Variants in TSPEAR observed in about 807,000 individuals in gnomAD.
TSPEAR encodes the protein thrombospondin type laminin G domain and EAR repeats.
Under a neutral mutation model 71.6 loss-of-function variants are expected in TSPEAR, and 69 were observed. That is an observed-to-expected ratio of 0.96 (90% CI 0.79 to 1.18). The LOEUF (loss-of-function observed/expected upper bound fraction) is 1.18, where lower values mean the gene tolerates loss of function less well. Among genes scored for constraint, TSPEAR ranks in the 50% most tolerant of loss-of-function variants. The probability of loss-of-function intolerance (pLI) is 0.00; values close to 1 mark genes in which losing one functional copy is unlikely to be tolerated. For missense variants in TSPEAR, 971 were observed against 894.9 expected (o/e 1.09, Z -1.09); for synonymous variants, 402 against 387.2 (o/e 1.04, Z -0.45).
Position 44,667,092 on chromosome 21 carries a change from A to T in TSPEAR, c.82+44341T>A, listed in dbSNP as rs1184003355. On this transcript the variant is annotated intron_variant, in intron 1 of 11. Transcript: ENST00000323084. ...GTTTTGTTTGGCCCTTAGCTTCATG[A>T]CTAATTGCACCTTCTTCGAACTCTT... Among the ~76,000 whole-genome samples, 3 of 152,144 alleles carry T rather than the reference A, an allele frequency of 2.0e-5. No homozygotes were observed. The East Asian group carries it at 5.8e-4, about 29-fold the overall frequency.
chr21:44,525,611 T>G (rs1275056591), intron 8 of TSPEAR, 42 bp downstream of exon 8: 6 of 1,601,272 alleles, frequency 3.7e-6, no homozygotes, highest in Non-Finnish European at 5.1e-6. Flanking sequence ...GCTCTGCCCC[T>G]GGAATGGTTG....
In TSPEAR at chr21:44,640,887, T is replaced by TGGTTGCA. The variant is rs145087618; in HGVS notation, c.82+70545_82+70546insTGCAACC. Among the ~76,000 whole-genome samples, 549 of 152,290 alleles carry TGGTTGCA rather than the reference T, an allele frequency of 3.6e-3. 3 individuals carry two copies. Among genetic ancestry groups the TGGTTGCA allele is most frequent in the African/African-American group, 0.013 (531 of 41,558 alleles). On this transcript the variant is annotated intron_variant, in intron 1 of 11. Transcript: ENST00000323084. ...TGGGTCGAGTTCTGAAGAAGAGCCATTCCATGCCTGCAACCAGCGGGAGAA... is the reference window on the plus strand; with the variant it reads ...TGGGTCGAGTTCTGAAGAAGAGCCATGGTTGCATCCATGCCTGCAACCAGCGGGAGAA...
At chr21:44,556,370 C>A (rs1391447100) in intron 2 of TSPEAR, among the ~76,000 whole-genome samples, 1 of 150,460 alleles carries the variant, frequency 6.6e-6, no homozygotes, top group African/African-American at 2.5e-5. Context: ...GTGATACCCG[C>A]TCTCAAAAAA....
intron 9 of TSPEAR, chr21:44,518,233 CT>C: frequency 4.6e-6 from 2 of 439,372 alleles, no homozygotes; most frequent in Admixed American, 3.1e-5. Flanking sequence ...TTCTTTCAGC[CT>C]TTTTCTTTAG....
At chr21:44,679,569 A>G (rs1275033553) in intron 1 of TSPEAR, among the ~76,000 whole-genome samples, 1 of 152,226 alleles carries the variant, frequency 6.6e-6, no homozygotes, top group Non-Finnish European at 1.5e-5. Context: ...TATGGAACCA[A>G]AAAGGACCCT....
At chr21:44,545,767 G>A (rs1555917692) in intron 2 of TSPEAR, among the ~76,000 whole-genome samples, 1 of 152,108 alleles carries the variant, frequency 6.6e-6, no homozygotes, top group African/African-American at 2.4e-5. Context: ...GCAGTATGTA[G>A]AGGGAAATTG....
At chr21:44,504,506 C>T (rs2052148186) in intron 11 of TSPEAR, among the ~76,000 whole-genome samples, 1 of 145,120 alleles carries the variant, frequency 6.9e-6, no homozygotes, top group Non-Finnish European at 1.5e-5. Context: ...AGTGGGGAAG[C>T]AAGGCTCTGG....
Position 44,711,252 on chromosome 21 carries a change from TTCCCCACCTGTGCTCC to T in TSPEAR, c.82+165_82+180del, listed in dbSNP as rs1345887326. ...CAACTGCCTGCCCTGCGCTTTCATC[TTCCCCACCTGTGCTCC>T]TCCCGCCTCTGCCCATCTCCACAGG... On this transcript the variant is annotated intron_variant, in intron 1 of 11. Transcript: ENST00000323084. The surrounding 1 kb of genome is among the most constrained non-coding windows in gnomAD (Gnocchi z 4.5). Among the ~76,000 whole-genome samples, 24 of 152,132 alleles carry T rather than the reference TTCCCCACCTGTGCTCC, an allele frequency of 1.6e-4. No homozygotes were observed. The East Asian group carries it at 4.1e-3, about 26-fold the overall frequency.
chr21:44,574,719 G>C, intron 1 of TSPEAR: 1 of 1,609,004 alleles, frequency 6.2e-7, no homozygotes, highest in South Asian at 1.1e-5. Context: ...CTGCGTGCCC[G>C]TCTGCTGCAA....
chr21:44,686,881 C>A (rs1555948990), intron 1 of TSPEAR, among the ~76,000 whole-genome samples: 1 of 152,146 alleles, frequency 6.6e-6, no homozygotes, highest in African/African-American at 2.4e-5. Flanking sequence ...TCTCGTTGTC[C>A]TTTGCCTTCC....
At chr21:44,684,615 G>A (rs5013900) in intron 1 of TSPEAR, among the ~76,000 whole-genome samples, 95,704 of 151,652 alleles carry the variant, frequency 0.63, 30,328 homozygotes, top group South Asian at 0.72. Context: ...GCAGATGTGC[G>A]CTGCAGGCAA....
chr21:44,607,845 C>T (rs587769055), intron 1 of TSPEAR, among the ~76,000 whole-genome samples: 1 of 152,310 alleles, frequency 6.6e-6, no homozygotes, highest in Non-Finnish European at 1.5e-5. Context: ...ATGCCCCACA[C>T]ACTCCACCTC....
chr21:44,677,786 T>C, intron 1 of TSPEAR: 1 of 1,308,644 alleles, frequency 7.6e-7, no homozygotes, highest in East Asian at 2.3e-5. Flanking sequence ...TTGATTTCTT[T>C]GGCAATGGAA....
At chr21:44,549,910 C>A (rs1270988960) in intron 2 of TSPEAR, among the ~76,000 whole-genome samples, 1 of 152,232 alleles carries the variant, frequency 6.6e-6, no homozygotes, top group Non-Finnish European at 1.5e-5. Context: ...CGCCCCTGAG[C>A]GTATGTGAGT....
intron 1 of TSPEAR, among the ~76,000 whole-genome samples, chr21:44,656,922 A>G (rs1555942652): frequency 6.6e-6 from 1 of 151,998 alleles, no homozygotes; most frequent in Admixed American, 6.6e-5. Flanking sequence ...TTCTTTTTCC[A>G]TCTGACTCCT....
chr21:44,543,479 C>T (rs972517789), intron 2 of TSPEAR, among the ~76,000 whole-genome samples: 17 of 152,180 alleles, frequency 1.1e-4, no homozygotes, highest in East Asian at 3.9e-4. Context: ...AGTACTTGGC[C>T]GAATCATTCC....
chr21:44,643,632 G>T (rs781870754), intron 1 of TSPEAR, among the ~76,000 whole-genome samples: 27 of 152,074 alleles, frequency 1.8e-4, no homozygotes, highest in African/African-American at 2.7e-4. Context: ...GTTACAAAGG[G>T]TATCATTAAC....
At position 44,499,924 on chromosome 21, in the gene TSPEAR, G is replaced by A. The variant is rs782760256; in HGVS notation, c.1869C>T (p.Tyr623=). 16 of 1,606,536 alleles carry A rather than the reference G, an allele frequency of 1.0e-5. No homozygotes were observed. The highest frequency in any genetic ancestry group is 6.7e-5 in the Admixed American group (4 of 59,470). The change falls in exon 12 of 12, where the codon TAC becomes TAT. Residue 623 remains tyrosine (Y), a synonymous_variant. Coordinates refer to ENST00000323084, the MANE Select transcript of TSPEAR (RefSeq NM_144991.3). ...GGCTGTGCACCGCCACGAAGCCCTC[G>A]TAGCCCTGCCACCTGCGGAACAGAC... is the stretch of plus-strand genomic sequence containing the variant. ...VNSIIYRWQG[Y]EGFVAVHSLP...
chr21:44,631,202 GAAC>G (rs1456447934), intron 1 of TSPEAR, among the ~76,000 whole-genome samples: 8 of 151,922 alleles, frequency 5.3e-5, no homozygotes, highest in Non-Finnish European at 1.0e-4. Context: ...CATGACAAAA[GAAC>G]AAAGAGAAAC....
Sources: allele counts gnomAD v4.1 joint callset (sites outside exome capture counted in the v4.1 genomes callset), GRCh38; gene constraint gnomAD v4.1.1; non-coding constraint Gnocchi (gnomAD v3.1); transcripts MANE v1.5; gene names NCBI Gene and HGNC (gene_info 2026-07-23, HGNC 2026-07-21).